The following GRHL2 variants were observed in gnomAD, a reference collection of about 807,000 sequenced individuals.
The protein encoded by GRHL2 is grainyhead like transcription factor 2.
Under a neutral mutation model 83.8 loss-of-function variants are expected in GRHL2, and 21 were observed. That is an observed-to-expected ratio of 0.25 (90% CI 0.18 to 0.36). The LOEUF (loss-of-function observed/expected upper bound fraction) is 0.36. Among genes scored for constraint, GRHL2 ranks in the 10% least tolerant of loss-of-function variants. GRHL2 has a pLI of 1.00. For synonymous variants in GRHL2, 280 were observed against 278.9 expected (o/e 1.00, Z -0.04); for missense variants, 623 against 781.8 (o/e 0.80, Z 2.42).
the GRHL2 span, among the ~76,000 whole-genome samples, chr8:101,677,428 C>A: frequency 2.0e-5 from 3 of 151,890 alleles, no homozygotes; most frequent in Admixed American, 2.0e-4. Flanking sequence ...TCTCCACCCC[C>A]ACGCCTACCT....
At chr8:101,614,120 T>G (rs1812807537) in intron 8 of GRHL2, among the ~76,000 whole-genome samples, 2 of 150,268 alleles carry the variant, frequency 1.3e-5, no homozygotes, top group African/African-American at 2.5e-5. Context: ...CTTATTTTAA[T>G]AAATCTTACT....
Position 101,596,870 on chromosome 8 carries a change from G to C in GRHL2, c.1004-2187G>C, listed in dbSNP as rs1812402202. On this transcript the variant is annotated intron_variant, in intron 7 of 15. Coordinates refer to ENST00000646743, the MANE Select transcript of GRHL2 (RefSeq NM_024915.4). ...CACACGCTTTTATATTGAAGTACGT[G>C]CTTTATTTAAAATGTAAACATGTAG... Among the ~76,000 whole-genome samples the C allele has an allele frequency of 2.6e-5, 4 of 152,256 alleles. No individual in the cohort carries two copies. The South Asian group carries it at 8.3e-4, about 32-fold the overall frequency.
At position 101,667,280 on chromosome 8, in the gene GRHL2, A is replaced by T. The variant is rs1285601801; in HGVS notation, c.*577A>T. On this transcript the variant is annotated 3_prime_UTR_variant, in exon 16 of 16. Transcript: ENST00000646743. ...AGCAAGTGGCCACCAGGCCTTGTAC[A>T]GGAAGACATTCAGTCACCGTGTAAT... 2 of 180,254 alleles carry T rather than the reference A, an allele frequency of 1.1e-5. No homozygotes were observed. The highest frequency in any genetic ancestry group is 2.4e-5 in the Non-Finnish European group (2 of 83,300). 11.2% of individuals were successfully genotyped at this position (180,254 alleles called of 1,614,324 possible). A position where few individuals can be genotyped will look rare whatever the true frequency, so the allele number is the denominator to read the frequency against.
intron 4 of GRHL2, among the ~76,000 whole-genome samples, chr8:101,559,188 G>T (rs940125312): frequency 6.6e-6 from 1 of 151,916 alleles, no homozygotes; most frequent in South Asian, 2.1e-4. Context: ...GGTAGCTAAA[G>T]GTAGGGCTTG....
intron 1 of GRHL2, among the ~76,000 whole-genome samples, chr8:101,537,238 C>G (rs986772285): frequency 3.9e-5 from 6 of 152,152 alleles, no homozygotes; most frequent in African/African-American, 1.4e-4. Context: ...AGAAATGGTT[C>G]TCAGGTACTA....
intron 1 of GRHL2, among the ~76,000 whole-genome samples, chr8:101,537,914 T>TA (rs1254850430): frequency 1.3e-5 from 2 of 152,228 alleles, no homozygotes; most frequent in Non-Finnish European, 2.9e-5. Flanking sequence ...TTTTCTTTTT[T>TA]AAAAAAATTT....
intron 7 of GRHL2, among the ~76,000 whole-genome samples, chr8:101,587,840 G>T (rs567100788): frequency 6.6e-6 from 1 of 152,282 alleles, no homozygotes; most frequent in African/African-American, 2.4e-5. Flanking sequence ...TCTAGCATTT[G>T]CTAGAAGTTT....
rs1209102951 is a variant in GRHL2, at chr8:101,668,120, C to G, written c.*1417C>G. 6.6e-6 allele frequency: 1 copy of G among 152,432 alleles called. No individual in the cohort carries two copies. Among genetic ancestry groups the G allele is most frequent in the Non-Finnish European group, 1.5e-5 (1 of 68,094 alleles). 9.4% of individuals were successfully genotyped at this position (152,432 alleles called of 1,614,324 possible). Reference sequence around the variant, plus strand: ...AAGCTGTGGTCTCCTGCTACATGCCCTGGGAGCTGGAAGAGAAAAACACTC... The same window carrying G: ...AAGCTGTGGTCTCCTGCTACATGCCGTGGGAGCTGGAAGAGAAAAACACTC... On this transcript the variant is annotated 3_prime_UTR_variant, in exon 16 of 16. Coordinates refer to ENST00000646743, the MANE Select transcript of GRHL2 (RefSeq NM_024915.4).
chr8:101,679,510 TA>T, the GRHL2 span, among the ~76,000 whole-genome samples: 22 of 149,268 alleles, frequency 1.5e-4, 1 homozygote, highest in African/African-American at 2.5e-5. Flanking sequence ...TGCAGGATAT[TA>T]TCCAGGAGAA....
At chr8:101,513,988 T>C (rs1810518571) in intron 1 of GRHL2, among the ~76,000 whole-genome samples, 1 of 152,170 alleles carries the variant, frequency 6.6e-6, no homozygotes, top group African/African-American at 2.4e-5. Context: ...GCCGAGGCTT[T>C]CACACTAAGG....
chr8:101,597,432 A>C (rs891862851), intron 7 of GRHL2, among the ~76,000 whole-genome samples: 1 of 152,156 alleles, frequency 6.6e-6, no homozygotes, highest in African/African-American at 2.4e-5. Context: ...AACCAACCCA[A>C]ATGTCCAACA....
At chr8:101,646,946 G>C (rs899567379) in intron 13 of GRHL2, among the ~76,000 whole-genome samples, 1 of 152,152 alleles carries the variant, frequency 6.6e-6, no homozygotes, top group African/African-American at 2.4e-5. Context: ...GCCCTGCCTG[G>C]TGCCACTCCA....
chr8:101,565,580 C>T (rs1811700685), intron 4 of GRHL2, among the ~76,000 whole-genome samples: 1 of 152,144 alleles, frequency 6.6e-6, no homozygotes, highest in Admixed American at 6.5e-5. Flanking sequence ...GTCTCCCCAG[C>T]AGAGGAAGGG....
At chr8:101,537,244 T>A (rs559355041) in intron 1 of GRHL2, among the ~76,000 whole-genome samples, 270 of 152,324 alleles carry the variant, frequency 1.8e-3, no homozygotes, top group African/African-American at 5.9e-3. Context: ...GGTTCTCAGG[T>A]ACTATATATC....
chr8:101,588,530 C>T (rs762082065), intron 7 of GRHL2, among the ~76,000 whole-genome samples: 12 of 152,170 alleles, frequency 7.9e-5, no homozygotes, highest in Non-Finnish European at 1.6e-4. Flanking sequence ...GGTTTACCTT[C>T]CTACGTCACT....
At chr8:101,550,385 C>T (rs1251195317) in intron 2 of GRHL2, among the ~76,000 whole-genome samples, 4 of 152,048 alleles carry the variant, frequency 2.6e-5, no homozygotes, top group Admixed American at 2.6e-4. Flanking sequence ...TCTGTTGTTC[C>T]CATCTTTATG....
chr8:101,533,640 T>C (rs892974658), intron 1 of GRHL2, among the ~76,000 whole-genome samples: 1 of 152,124 alleles, frequency 6.6e-6, no homozygotes, highest in Non-Finnish European at 1.5e-5. Context: ...GTAAGGGAGA[T>C]AGAAAGTTTT....
At chr8:101,540,010 T>A (rs1191911773) in intron 1 of GRHL2, among the ~76,000 whole-genome samples, 1 of 152,228 alleles carries the variant, frequency 6.6e-6, no homozygotes, top group East Asian at 1.9e-4. Flanking sequence ...TGGCAACTAT[T>A]GGGCTCTCAA....
At chr8:101,545,633 T>C (rs751140500) in intron 2 of GRHL2, among the ~76,000 whole-genome samples, 9 of 151,944 alleles carry the variant, frequency 5.9e-5, no homozygotes, top group African/African-American at 1.7e-4. Flanking sequence ...CAAAATGTAT[T>C]GAGGATAGTT....
Sources: allele counts gnomAD v4.1 joint callset (sites outside exome capture counted in the v4.1 genomes callset), GRCh38; gene constraint gnomAD v4.1.1; transcripts MANE v1.5; gene names NCBI Gene and HGNC (gene_info 2026-07-23, HGNC 2026-07-21).